Variants in CDH13 observed in about 807,000 individuals in gnomAD.
The protein encoded by CDH13 is cadherin-13.
A neutral mutation model predicts 63.8 loss-of-function variants in CDH13; 24 were observed. The observed-to-expected ratio is 0.38, with a 90% CI of 0.27 to 0.53. The LOEUF (loss-of-function observed/expected upper bound fraction) is 0.53. Among genes scored for constraint, CDH13 ranks in the 20% least tolerant of loss-of-function variants. CDH13 has a pLI of 0.85. For synonymous variants in CDH13, 503 were observed against 355.3 expected, an observed-to-expected ratio of 1.42 and a Z score of -4.67; for missense variants, 1,049 against 903.1, an observed-to-expected ratio of 1.16 and a Z score of -2.07.
intron 3 of CDH13, among the ~76,000 whole-genome samples, chr16:83,067,315 C>A (rs567281866): frequency 6.6e-6 from 1 of 152,110 alleles, no homozygotes; most frequent in African/African-American, 2.4e-5. Flanking sequence ...TGAGGAATAC[C>A]TACTGTCTAC....
chr16:83,454,391 C>A (rs1007820179), intron 6 of CDH13, among the ~76,000 whole-genome samples: 1 of 152,210 alleles, frequency 6.6e-6, no homozygotes, highest in Non-Finnish European at 1.5e-5. Context: ...AATACCTTTT[C>A]AATATTGACA....
At chr16:83,174,889 T>C (rs1032730554) in intron 4 of CDH13, among the ~76,000 whole-genome samples, 1 of 151,978 alleles carries the variant, frequency 6.6e-6, no homozygotes, top group Admixed American at 6.6e-5. Context: ...TTTTAAACCA[T>C]CAGATGTTGT....
At chr16:83,462,316 A>G (rs1700768369) in intron 6 of CDH13, among the ~76,000 whole-genome samples, 1 of 152,234 alleles carries the variant, frequency 6.6e-6, no homozygotes, top group South Asian at 2.1e-4. Flanking sequence ...CGAGAGTTTC[A>G]CAACTTGAGA....
At chr16:82,960,879 C>T (rs1320563530) in intron 2 of CDH13, among the ~76,000 whole-genome samples, 4 of 151,960 alleles carry the variant, frequency 2.6e-5, no homozygotes, top group Non-Finnish European at 4.4e-5. Flanking sequence ...AGGAAGAATG[C>T]CATACAAATC....
chr16:82,676,871 T>TTTTTGTTTTGTTTTG (rs61269039), intron 1 of CDH13, among the ~76,000 whole-genome samples: 6,234 of 149,472 alleles, frequency 0.042, 172 homozygotes, highest in Non-Finnish European at 0.063. Flanking sequence ...GTTTCTTTGT[T>TTTTTGTTTTGTTTTG]TTTTGTTTTG....
chr16:83,796,204 G>T lies in CDH13; in HGVS notation c.*1174G>T, dbSNP rs940728412. 2 of 152,276 alleles carry T rather than the reference G, an allele frequency of 1.3e-5. No individual in the cohort carries two copies. The allele number at this position is 152,276 out of a possible 1,614,324, so 9.4% of individuals were successfully genotyped here. A position where few individuals can be genotyped will look rare whatever the true frequency, so the allele number is the denominator to read the frequency against. On this transcript the variant is annotated 3_prime_UTR_variant, in exon 14 of 14. Coordinates refer to ENST00000567109, the MANE Select transcript of CDH13 (RefSeq NM_001257.5). The stretch of plus-strand genomic sequence containing the variant: ...AGCGGAAAGTTAGTGCTTGTTCTAA[G>T]ATTACCTTCTTGTTGATAAACCATA...
chr16:82,854,841 CTT>C (rs1362420375), intron 1 of CDH13, among the ~76,000 whole-genome samples: 3 of 152,028 alleles, frequency 2.0e-5, no homozygotes, highest in Admixed American at 6.5e-5. Flanking sequence ...GTTAATGCCT[CTT>C]TTCTTTTTGA....
rs1453442590 is a variant in CDH13 at position 83,486,384 on chromosome 16, C to G, written c.782-93C>G. ...TTTAATTTGGAAAGTGATGGGCACA[C>G]TGCTGCACTGCTATTGCCCAGGTGG... On this transcript the variant is annotated intron_variant, in intron 6 of 13. Transcript: ENST00000567109. 3.9e-6 allele frequency: 4 copies of G among 1,033,520 alleles called. No individual in the cohort carries two copies. The African/African-American group carries it at 4.7e-5, about 12-fold the overall frequency. The allele number at this position is 1,033,520 out of a possible 1,614,324, so 64.0% of individuals were successfully genotyped here.
chr16:83,181,488 T>C (rs964582645), intron 4 of CDH13, among the ~76,000 whole-genome samples: 2 of 152,348 alleles, frequency 1.3e-5, no homozygotes, highest in East Asian at 3.9e-4. Flanking sequence ...TCTTGGGCTG[T>C]AGTACTTGAC....
At chr16:83,023,629 T>C (rs1028898646) in intron 2 of CDH13, among the ~76,000 whole-genome samples, 27 of 152,334 alleles carry the variant, frequency 1.8e-4, no homozygotes, top group African/African-American at 6.3e-4. Flanking sequence ...ATTTTTTAAA[T>C]GGACATAAAC....
chr16:83,670,390 T>C (rs542461176), intron 8 of CDH13, among the ~76,000 whole-genome samples: 1 of 130,816 alleles, frequency 7.6e-6, no homozygotes, highest in South Asian at 2.3e-4. Flanking sequence ...ACCAGGTTGC[T>C]CCCCTCCATG....
rs374392455 is a variant in CDH13, at chr16:83,746,067, G to A, written c.1539-2041G>A. 1.5e-3 allele frequency among the ~76,000 whole-genome samples: 221 copies of A among 152,330 alleles called. 6 individuals carry two copies. The South Asian group carries it at 0.045, about 31-fold the overall frequency. On this transcript the variant is annotated intron_variant, in intron 10 of 13. Coordinates refer to ENST00000567109, the MANE Select transcript of CDH13 (RefSeq NM_001257.5). ...TGTGCCTCAGAGTCCTCATCTGTAA[G>A]TGGGGATATTATACCTACTATAATA...
intron 7 of CDH13, among the ~76,000 whole-genome samples, chr16:83,519,273 G>A (rs1414256251): frequency 5.3e-5 from 8 of 152,132 alleles, no homozygotes; most frequent in East Asian, 1.9e-4. Context: ...GCCTGTTTCC[G>A]CCCTAGCATT....
At chr16:82,805,400 C>T (rs1199308859) in intron 1 of CDH13, among the ~76,000 whole-genome samples, 1 of 152,200 alleles carries the variant, frequency 6.6e-6, no homozygotes, top group Non-Finnish European at 1.5e-5. Context: ...TGTCTTATCT[C>T]AGCTATGCAG....
chr16:83,333,576 C>T (rs1277753147), intron 5 of CDH13, among the ~76,000 whole-genome samples: 2 of 152,122 alleles, frequency 1.3e-5, no homozygotes, highest in Non-Finnish European at 2.9e-5. Context: ...ACCATACTCC[C>T]GCTAAGGTCT....
intron 11 of CDH13, among the ~76,000 whole-genome samples, chr16:83,765,903 G>T (rs1914347981): frequency 6.6e-6 from 1 of 152,044 alleles, no homozygotes; most frequent in Non-Finnish European, 1.5e-5. Flanking sequence ...TGACATAAGA[G>T]GCCTGGCATG....
At chr16:82,908,728 C>T (rs1228370765) in intron 2 of CDH13, among the ~76,000 whole-genome samples, 2 of 152,138 alleles carry the variant, frequency 1.3e-5, no homozygotes, top group Non-Finnish European at 2.9e-5. Flanking sequence ...AATCCAGAAA[C>T]CTCTGTGAAT....
chr16:83,188,456 C>T (rs2038593708), intron 4 of CDH13, among the ~76,000 whole-genome samples: 1 of 152,128 alleles, frequency 6.6e-6, no homozygotes, highest in South Asian at 2.1e-4. Context: ...GTCATGCATT[C>T]TTTTTGAGTC....
chr16:83,224,570 A>G (rs999251324), intron 5 of CDH13, among the ~76,000 whole-genome samples: 3 of 152,250 alleles, frequency 2.0e-5, no homozygotes, highest in Admixed American at 6.5e-5. Context: ...GGACAAAACA[A>G]AGGATTTGGG....
Sources: gnomAD v4.1 joint callset for allele counts (sites outside exome capture counted in the v4.1 genomes callset) on GRCh38, gnomAD v4.1.1 for gene constraint, MANE v1.5 for transcripts, NCBI Gene and HGNC (gene_info 2026-07-23, HGNC 2026-07-21) for gene names.